Variants in NT5C1A observed in about 807,000 individuals in gnomAD.
The protein encoded by NT5C1A is cytosolic 5'-nucleotidase 1A.
A neutral mutation model predicts 31.0 loss-of-function variants in NT5C1A; 18 were observed. The observed-to-expected ratio is 0.58, with a 90% CI of 0.40 to 0.86. The LOEUF (loss-of-function observed/expected upper bound fraction) is 0.86, where lower values mean the gene tolerates loss of function less well. Ranked by LOEUF, NT5C1A falls within the 40% of genes least tolerant of loss-of-function variation. The pLI is 0.00. For synonymous variants in NT5C1A, 185 were observed against 203.6 expected, an observed-to-expected ratio of 0.91 and a Z score of 0.78; for missense variants, 470 against 505.4, an observed-to-expected ratio of 0.93 and a Z score of 0.67.
chr1:39,663,269 C>G, intron 4 of NT5C1A, 43 bp downstream of exon 4: 1 of 1,612,740 alleles, frequency 6.2e-7, no homozygotes, highest in African/African-American at 1.3e-5. Flanking sequence ...TCAGGGACCC[C>G]TTTGCTGCAC....
intron 1 of NT5C1A, among the ~76,000 whole-genome samples, chr1:39,666,631 C>T (rs1424224255): frequency 6.6e-6 from 1 of 152,164 alleles, no homozygotes. Flanking sequence ...GAAATGATGC[C>T]CATAAATATG....
rs2871601 is a variant in NT5C1A, at chr1:39,672,082, G to A, written c.-44C>T. 325,625 of 1,488,342 alleles carry A rather than the reference G, an allele frequency of 0.22. 37,060 individuals carry two copies. Among genetic ancestry groups the A allele is most frequent in the East Asian group, 0.41 (16,471 of 40,514 alleles). 92.2% of individuals were successfully genotyped at this position (1,488,342 alleles called of 1,614,324 possible). On this transcript the variant is annotated 5_prime_UTR_variant, in exon 1 of 6. Coordinates refer to ENST00000235628, the MANE Select transcript of NT5C1A (RefSeq NM_032526.3). ...CCCGGCCAGAGCAGGCGGCGGCGTA[G>A]ACGCGGAGGTGGCTGGGGCTGGGCT...
rs746354727 is a variant in NT5C1A, at chr1:39,661,068, A to G, written c.741+11T>C. 3.9e-6 allele frequency: 6 copies of G among 1,549,190 alleles called. No individual in the cohort carries two copies. Among genetic ancestry groups the G allele is most frequent in the Admixed American group, 1.7e-5 (1 of 59,316 alleles). On this transcript the variant is annotated intron_variant, in intron 5 of 5. Transcript: ENST00000235628. ...TGTTCCTCTCAGGGGTTCTGGGTCT[A>G]TGGGGAGCACCTGAGCCAGAGGTTT...
In NT5C1A at chr1:39,666,064, C is replaced by A. The variant is rs1646520150; in HGVS notation, c.303+5G>T. Reference sequence around the variant, plus strand: ...TATGAGCTAGTGGTGGAACTGCTCCCTCACCTTCACAAAAGGGAAGGCTGG... The same window carrying A: ...TATGAGCTAGTGGTGGAACTGCTCCATCACCTTCACAAAAGGGAAGGCTGG... On this transcript the variant is annotated splice_donor_5th_base_variant and intron_variant, in intron 2 of 5. Transcript: ENST00000235628. 1.2e-6 allele frequency: 2 copies of A among 1,611,210 alleles called. No homozygotes were observed. The highest frequency in any genetic ancestry group is 3.3e-5 in the Admixed American group (2 of 59,912).
intron 4 of NT5C1A, among the ~76,000 whole-genome samples, chr1:39,661,555 A>G (rs996463346): frequency 1.3e-5 from 2 of 152,210 alleles, no homozygotes. Flanking sequence ...GAGGGCACTC[A>G]GGACTCAGGG....
chr1:39,664,091 T>C (rs1646505585), intron 3 of NT5C1A, among the ~76,000 whole-genome samples: 1 of 152,106 alleles, frequency 6.6e-6, no homozygotes, highest in Non-Finnish European at 1.5e-5. Context: ...CCAACTAGAC[T>C]CTCTTGGTTG....
rs1012894163 is a variant in NT5C1A, at chr1:39,663,319, A to G, written c.549T>C (p.Ile183=). 1 of 1,614,096 alleles carries G rather than the reference A, an allele frequency of 6.2e-7. No individual in the cohort carries two copies. Among genetic ancestry groups the G allele is most frequent in the African/African-American group, 1.3e-5 (1 of 75,020 alleles). The change falls in exon 4 of 6, where the codon ATT becomes ATC. Residue 183 remains isoleucine, a synonymous_variant. Coordinates refer to ENST00000235628, the MANE Select transcript of NT5C1A (RefSeq NM_032526.3). The part of the protein sequence containing the change: ...SADAEKVREA[I]DEGIAAATIF... The stretch of plus-strand genomic sequence containing the variant: ...CTCTTCACTTAGACTTACCCTCATC[A>G]ATGGCTTCTCGCACTTTTTCCGCAT...
intron 5 of NT5C1A, among the ~76,000 whole-genome samples, chr1:39,660,600 G>A (rs1022079703): frequency 1.3e-5 from 2 of 152,120 alleles, no homozygotes; most frequent in African/African-American, 4.8e-5. Flanking sequence ...TTTCCAGTGA[G>A]GGAAACAGGC....
chr1:39,654,835 G>A lies in NT5C1A; in HGVS notation c.*4286C>T, dbSNP rs1001561033. On this transcript the variant is annotated 3_prime_UTR_variant, in exon 6 of 6. Coordinates refer to ENST00000235628, the MANE Select transcript of NT5C1A (RefSeq NM_032526.3). ...AAGGGCCAGATAATAAATATTTTTG[G>A]CTTGCAGCCTCTGTTGCAACAATTC... Among the ~76,000 whole-genome samples the A allele has an allele frequency of 2.0e-5, 3 of 152,196 alleles. No homozygotes were observed.
At chr1:39,668,737 A>T (rs1486194719) in intron 1 of NT5C1A, among the ~76,000 whole-genome samples, 1 of 152,204 alleles carries the variant, frequency 6.6e-6, no homozygotes, top group Non-Finnish European at 1.5e-5. Flanking sequence ...GGGAGAAATG[A>T]TCAGGGCGTG....
At chr1:39,666,817 C>T (rs1048969493) in intron 1 of NT5C1A, among the ~76,000 whole-genome samples, 1 of 152,150 alleles carries the variant, frequency 6.6e-6, no homozygotes, top group Non-Finnish European at 1.5e-5. Context: ...TAACTCATAG[C>T]AAGGCTTAGA....
At chr1:39,671,579 C>G (rs1535031) in intron 1 of NT5C1A, among the ~76,000 whole-genome samples, 1 of 152,072 alleles carries the variant, frequency 6.6e-6, no homozygotes, top group African/African-American at 2.4e-5. Flanking sequence ...GGAAGCGCTG[C>G]GGACCAGCTT....
rs80054398 is a variant in NT5C1A, at chr1:39,664,804, C to T, written c.433+717G>A. On this transcript the variant is annotated intron_variant, in intron 3 of 5. Transcript: ENST00000235628. ...GCACCTGGCCTGCTTTTCTTGAATA[C>T]GGTTTTTATTTAGGAAAAGCAGAGA... 6.0e-3 allele frequency among the ~76,000 whole-genome samples: 898 copies of T among 150,510 alleles called. 8 individuals carry two copies. Among genetic ancestry groups the T allele is most frequent in the African/African-American group, 0.019 (779 of 40,858 alleles).
chr1:39,665,961 A>T, intron 2 of NT5C1A, 108 bp downstream of exon 2: 1 of 1,036,748 alleles, frequency 9.6e-7, no homozygotes, highest in Non-Finnish European at 1.4e-6. Flanking sequence ...CTGTGTGGTT[A>T]CATCTGCCCA....
rs61024293 is a variant in NT5C1A at position 39,652,030 on chromosome 1, CAAAAAAAAAAAAAAAAA to C, written c.*7074_*7090del. Among the ~76,000 whole-genome samples, 468 of 37,832 alleles carry C rather than the reference CAAAAAAAAAAAAAAAAA, an allele frequency of 0.012. 4 individuals carry two copies. The highest frequency in any genetic ancestry group is 0.028 in the African/African-American group (397 of 14,040). The allele number at this position is 37,832 out of a possible 152,430, so 24.8% of individuals were successfully genotyped here. On this transcript the variant is annotated 3_prime_UTR_variant, in exon 6 of 6. Transcript: ENST00000235628. ...TGAGTGACAGAGCAAGACTCCGTCTCAAAAAAAAAAAAAAAAAAAAAAAAAAAAAAAAAAAAAGAAGT... is the reference window on the plus strand; with the variant it reads ...TGAGTGACAGAGCAAGACTCCGTCTCAAAAAAAAAAAAAAAAAAAAGAAGT...
intron 2 of NT5C1A, 34 bp downstream of exon 2, chr1:39,666,035 G>T (rs113327185): frequency 1.9e-6 from 3 of 1,594,276 alleles, no homozygotes; most frequent in Non-Finnish European, 2.6e-6. Context: ...CCACGAAGGC[G>T]CTATATGAGC....
Position 39,661,046 on chromosome 1 carries a change from T to G in NT5C1A, c.741+33A>C, listed in dbSNP as rs1259969867. The G allele has an allele frequency of 6.4e-6, 9 of 1,404,856 alleles. No homozygotes were observed. In the Middle Eastern group the frequency reaches 5.7e-4, roughly 90 times the overall value. The allele number at this position is 1,404,856 out of a possible 1,614,324, so 87.0% of individuals were successfully genotyped here. Reference sequence around the variant, plus strand: ...GGGCAGGTCTGGGGAGCTGCCTTGTTCCTCTCAGGGGTTCTGGGTCTATGG... The same window carrying G: ...GGGCAGGTCTGGGGAGCTGCCTTGTGCCTCTCAGGGGTTCTGGGTCTATGG... On this transcript the variant is annotated intron_variant, in intron 5 of 5. Transcript: ENST00000235628.
chr1:39,671,417 C>G (rs577226164), intron 1 of NT5C1A, among the ~76,000 whole-genome samples: 1 of 152,202 alleles, frequency 6.6e-6, no homozygotes, highest in Non-Finnish European at 1.5e-5. Flanking sequence ...ACGCGGGGAG[C>G]GCACTGCCCC....
rs137977330 is a variant in NT5C1A at position 39,651,281 on chromosome 1, A to G, written c.*7840T>C. ...AATGGCTTTTAAGAAGCAGAAGCACATGTGGTAAAATTAAGGTATAGGACA... is the reference window on the plus strand; with the variant it reads ...AATGGCTTTTAAGAAGCAGAAGCACGTGTGGTAAAATTAAGGTATAGGACA... On this transcript the variant is annotated 3_prime_UTR_variant, in exon 6 of 6. Coordinates refer to ENST00000235628, the MANE Select transcript of NT5C1A (RefSeq NM_032526.3). Among the ~76,000 whole-genome samples, 201 of 152,374 alleles carry G rather than the reference A, an allele frequency of 1.3e-3. 1 individual carries two copies. The highest frequency in any genetic ancestry group is 6.8e-3 in the Middle Eastern group (2 of 294).
Sources: gnomAD v4.1 joint callset for allele counts (sites outside exome capture counted in the v4.1 genomes callset) on GRCh38, gnomAD v4.1.1 for gene constraint, MANE v1.5 for transcripts, NCBI Gene and HGNC (gene_info 2026-07-23, HGNC 2026-07-21) for gene names.